Variants in IL1RAPL2 observed in about 807,000 individuals in gnomAD.
IL1RAPL2 encodes X-linked interleukin-1 receptor accessory protein-like 2.
A neutral mutation model predicts 44.1 loss-of-function variants in IL1RAPL2; 3 were observed. The observed-to-expected ratio is 0.07, with a 90% confidence interval of 0.03 to 0.18. IL1RAPL2 has a LOEUF of 0.18. IL1RAPL2 is among the 10% of genes least tolerant of loss of function. The probability of loss-of-function intolerance (pLI) is 1.00; values close to 1 mark genes in which losing one functional copy is unlikely to be tolerated. For missense variants in IL1RAPL2, 391 were observed against 496.4 expected (o/e 0.79, Z 2.02); for synonymous variants, 181 against 178.8 (o/e 1.01, Z -0.10).
intron 2 of IL1RAPL2, among the ~76,000 whole-genome samples, chrX:104,887,167 T>C (rs920815489): frequency 1.8e-5 from 2 of 112,064 alleles, no homozygotes. Context: ...TCCCCAGATA[T>C]AGTGAGATGA....
intron 5 of IL1RAPL2, among the ~76,000 whole-genome samples, chrX:105,318,073 C>T (rs1392192612): frequency 9.2e-6 from 1 of 108,903 alleles, no homozygotes; most frequent in African/African-American, 3.3e-5. Flanking sequence ...CCCGGGTTCA[C>T]GCCATTCTCC....
At chrX:105,504,047 T>A (rs1265366108) in intron 6 of IL1RAPL2, among the ~76,000 whole-genome samples, 3 of 111,808 alleles carry the variant, frequency 2.7e-5, no homozygotes, top group Non-Finnish European at 5.7e-5. Context: ...GGAACTCAGT[T>A]CAAGTCATAG....
chrX:105,728,506 A>G (rs919076166), intron 7 of IL1RAPL2, among the ~76,000 whole-genome samples: 1 of 111,836 alleles, frequency 8.9e-6, no homozygotes, highest in African/African-American at 3.2e-5. Flanking sequence ...TGAAGAGGCA[A>G]AGAAGATTTA....
At chrX:105,708,642 T>G (rs745934881) in intron 6 of IL1RAPL2, among the ~76,000 whole-genome samples, 2 of 111,922 alleles carry the variant, frequency 1.8e-5, no homozygotes, top group Non-Finnish European at 3.8e-5. Flanking sequence ...TTACTCTGTG[T>G]TCTATTTTTA....
intron 4 of IL1RAPL2, among the ~76,000 whole-genome samples, chrX:105,238,250 C>G (rs1569411086): frequency 8.9e-6 from 1 of 112,369 alleles, no homozygotes; most frequent in Non-Finnish European, 1.9e-5. Context: ...TACACCTCCA[C>G]TTGTTATAGT....
chrX:105,239,718 T>G (rs2034153811), intron 4 of IL1RAPL2, among the ~76,000 whole-genome samples: 1 of 110,245 alleles, frequency 9.1e-6, no homozygotes, highest in African/African-American at 3.4e-5. Flanking sequence ...AAGCCCAAGG[T>G]TCAATGTCCC....
intron 2 of IL1RAPL2, among the ~76,000 whole-genome samples, chrX:104,789,766 G>A (rs1350247621): frequency 3.6e-5 from 4 of 112,123 alleles, no homozygotes; most frequent in Non-Finnish European, 7.5e-5. Context: ...AAAACAAACT[G>A]AGCTGAAATA....
chrX:104,663,317 T>C (rs1930434643), intron 2 of IL1RAPL2, among the ~76,000 whole-genome samples: 1 of 111,565 alleles, frequency 9.0e-6, no homozygotes, highest in Non-Finnish European at 1.9e-5. Flanking sequence ...CACTTCCAAG[T>C]AAAAAGAAAA....
intron 5 of IL1RAPL2, among the ~76,000 whole-genome samples, chrX:105,298,002 TTGTA>T (rs2147672679): frequency 9.0e-6 from 1 of 111,019 alleles, no homozygotes; most frequent in South Asian, 3.9e-4. Flanking sequence ...TTGACAAAAC[TTGTA>T]TGTATTTTTG....
intron 6 of IL1RAPL2, among the ~76,000 whole-genome samples, chrX:105,623,552 C>T (rs916375997): frequency 1.1e-4 from 12 of 110,704 alleles, no homozygotes; most frequent in African/African-American, 3.6e-4. Context: ...CTGTGATGCC[C>T]ACATGAAGAT....
chrX:105,635,753 T>C (rs764234688), intron 6 of IL1RAPL2, among the ~76,000 whole-genome samples: 1 of 112,064 alleles, frequency 8.9e-6, no homozygotes, highest in South Asian at 3.7e-4. Context: ...CCTAAATCTG[T>C]TTAACTCTGA....
At chrX:104,588,127 A>T (rs564666378) in intron 1 of IL1RAPL2, among the ~76,000 whole-genome samples, 1 of 111,990 alleles carries the variant, frequency 8.9e-6, no homozygotes, top group South Asian at 3.7e-4. Flanking sequence ...GTAGAAATGG[A>T]ACTTTTCATT....
chrX:104,910,350 G>T (rs1317643518), intron 2 of IL1RAPL2, among the ~76,000 whole-genome samples: 3 of 112,272 alleles, frequency 2.7e-5, no homozygotes, highest in Non-Finnish European at 5.6e-5. Flanking sequence ...GACTGGAGCT[G>T]TTCCTATTCG....
chrX:105,040,386 C>T (rs181129748), intron 2 of IL1RAPL2, among the ~76,000 whole-genome samples: 1 of 111,432 alleles, frequency 9.0e-6, no homozygotes, highest in African/African-American at 3.3e-5. Flanking sequence ...GAGGATGATG[C>T]TGGCCTCATA....
intron 5 of IL1RAPL2, among the ~76,000 whole-genome samples, chrX:105,319,026 G>A (rs1313823797): frequency 8.9e-6 from 1 of 112,068 alleles, no homozygotes; most frequent in Non-Finnish European, 1.9e-5. Context: ...TTCTTTCAAT[G>A]TTCTGCTAGT....
At chrX:104,660,774 A>G (rs1930382560) in intron 2 of IL1RAPL2, among the ~76,000 whole-genome samples, 1 of 107,551 alleles carries the variant, frequency 9.3e-6, no homozygotes, top group Non-Finnish European at 1.9e-5. Flanking sequence ...CTATTTCTAC[A>G]AAAATGTAAA....
chrX:104,633,875 C>T (rs1410770549), intron 1 of IL1RAPL2, among the ~76,000 whole-genome samples: 2 of 111,057 alleles, frequency 1.8e-5, no homozygotes, highest in Non-Finnish European at 3.8e-5. Flanking sequence ...TTATTTCTTG[C>T]CTTCTGCTAG....
chrX:104,634,397 C>T (rs1157070112), intron 1 of IL1RAPL2, among the ~76,000 whole-genome samples: 2 of 111,137 alleles, frequency 1.8e-5, no homozygotes, highest in African/African-American at 6.6e-5. Flanking sequence ...CCTGGATATC[C>T]TTGTTAACTT....
intron 2 of IL1RAPL2, among the ~76,000 whole-genome samples, chrX:104,963,809 T>TA (rs1242842526): frequency 8.1e-5 from 9 of 111,004 alleles, no homozygotes; most frequent in Non-Finnish European, 1.7e-4. Context: ...CCTATAAGAT[T>TA]AAAAAAATAA....
Sources: allele counts gnomAD v4.1 joint callset (sites outside exome capture counted in the v4.1 genomes callset), GRCh38; gene constraint gnomAD v4.1.1; transcripts MANE v1.5; gene names NCBI Gene and HGNC (gene_info 2026-07-23, HGNC 2026-07-21).